Variants in NCOA7 observed in about 807,000 individuals in gnomAD.
The protein encoded by NCOA7 is 140 kDa estrogen receptor-associated protein.
Under a neutral mutation model 104.3 loss-of-function variants are expected in NCOA7, and 45 were observed. The ratio of observed to expected loss-of-function variants is 0.43; its 90% CI spans 0.34 to 0.55. The LOEUF (loss-of-function observed/expected upper bound fraction) is 0.55. NCOA7 is among the 20% of genes least tolerant of loss of function. NCOA7 has a pLI of 0.02. For missense variants in NCOA7, 1,041 were observed against 1,119.7 expected (o/e 0.93, Z 1.00); for synonymous variants, 398 against 402.3 (o/e 0.99, Z 0.13).
rs1333167372 is a variant in NCOA7, at chr6:125,889,472, A to G, written c.1418A>G (p.Glu473Gly). Residue 473 changes from glutamate (E) to glycine (G), a missense_variant, in exon 9 of 16, where the codon GAG (glutamate) becomes GGG (glycine). By Grantham distance (98) the Glu-to-Gly change is moderately conservative (BLOSUM62 -2). Transcript: ENST00000392477. ...TCAGCCCTAGCCTTTTTGGGAACAGAGAATGATGTTGAACTGAAGGGGGCG... is the reference window on the plus strand; with the variant it reads ...TCAGCCCTAGCCTTTTTGGGAACAGGGAATGATGTTGAACTGAAGGGGGCG... ...VQSALAFLGTENDVELKGALD... is the reference protein window; with the variant it reads ...VQSALAFLGTGNDVELKGALD... 6.2e-7 allele frequency: 1 copy of G among 1,614,000 alleles called. No individual in the cohort carries two copies. Among genetic ancestry groups the G allele is most frequent in the East Asian group, 2.2e-5 (1 of 44,868 alleles).
At chr6:125,900,089 G>A (rs1418121961) in intron 10 of NCOA7, 1 of 527,320 alleles carries the variant, frequency 1.9e-6, no homozygotes, top group Non-Finnish European at 3.9e-6. Context: ...TGGGGGTAAA[G>A]GAAGCATGAG....
chr6:125,793,931 A>G (rs1206432767), intron 1 of NCOA7, among the ~76,000 whole-genome samples: 1 of 152,184 alleles, frequency 6.6e-6, no homozygotes, highest in Admixed American at 6.5e-5. Flanking sequence ...TCTGTTGCTA[A>G]ATTTGATCAG....
intron 12 of NCOA7, among the ~76,000 whole-genome samples, chr6:125,921,445 G>A (rs1787578056): frequency 1.3e-5 from 2 of 151,864 alleles, no homozygotes; most frequent in African/African-American, 4.8e-5. Context: ...GAATGCATTT[G>A]CCCTTCTCAC....
chr6:125,866,317 G>A (rs538463783), intron 3 of NCOA7, among the ~76,000 whole-genome samples: 7 of 151,538 alleles, frequency 4.6e-5, no homozygotes, highest in South Asian at 2.1e-4. Flanking sequence ...CAACAAGAGC[G>A]AAATTCCGTC....
intron 2 of NCOA7, among the ~76,000 whole-genome samples, chr6:125,852,574 G>A (rs1365650831): frequency 6.6e-6 from 1 of 152,090 alleles, no homozygotes; most frequent in Admixed American, 6.6e-5. Flanking sequence ...ATCTTGAGTT[G>A]ATTTTTATGT....
chr6:125,878,003 A>T (rs1466915427), intron 4 of NCOA7, among the ~76,000 whole-genome samples: 1 of 152,182 alleles, frequency 6.6e-6, no homozygotes, highest in Non-Finnish European at 1.5e-5. Flanking sequence ...CATGCGCCTC[A>T]GTTGCACCAA....
At chr6:125,897,930 C>T (rs1172263430) in intron 10 of NCOA7, among the ~76,000 whole-genome samples, 13 of 152,214 alleles carry the variant, frequency 8.5e-5, no homozygotes, top group Admixed American at 7.9e-4. Flanking sequence ...CCGCCTGCCT[C>T]GGCCTCCCGA....
At chr6:125,850,041 A>G (rs1780987926) in intron 2 of NCOA7, among the ~76,000 whole-genome samples, 1 of 152,214 alleles carries the variant, frequency 6.6e-6, no homozygotes, top group African/African-American at 2.4e-5. Context: ...TTGTGAGACT[A>G]TCTTAACAAG....
At chr6:125,813,262 C>A (rs982146315) in intron 1 of NCOA7, among the ~76,000 whole-genome samples, 1 of 152,126 alleles carries the variant, frequency 6.6e-6, no homozygotes, top group Non-Finnish European at 1.5e-5. Flanking sequence ...AGGGGGTGGG[C>A]TGCACATAGC....
intron 10 of NCOA7, 33 bp from the exon 11 acceptor site, chr6:125,915,300 G>T (rs760526180): frequency 6.2e-7 from 1 of 1,609,998 alleles, no homozygotes; most frequent in Non-Finnish European, 8.5e-7. Context: ...AAGTGGACAT[G>T]GTGTTAACAT....
At chr6:125,800,491 A>G (rs1775784499) in intron 1 of NCOA7, among the ~76,000 whole-genome samples, 1 of 152,258 alleles carries the variant, frequency 6.6e-6, no homozygotes, top group Non-Finnish European at 1.5e-5. Context: ...GAGACCACTA[A>G]TCTAAATAAA....
At chr6:125,803,887 G>A (rs753681890) in intron 1 of NCOA7, among the ~76,000 whole-genome samples, 12 of 152,010 alleles carry the variant, frequency 7.9e-5, no homozygotes, top group Non-Finnish European at 1.2e-4. Flanking sequence ...GATCCACAAA[G>A]TAGCCCCCAA....
intron 1 of NCOA7, among the ~76,000 whole-genome samples, chr6:125,799,558 A>G (rs907535562): frequency 6.6e-6 from 1 of 150,932 alleles, no homozygotes; most frequent in African/African-American, 2.4e-5. Context: ...TCCTGAGTCA[A>G]CCTTTGGAAT....
rs1178824280 is a variant in NCOA7 at position 125,889,013 on chromosome 6, A to T, written c.959A>T (p.Asn320Ile). 6.2e-7 allele frequency: 1 copy of T among 1,613,968 alleles called. No homozygotes were observed. Among genetic ancestry groups the T allele is most frequent in the East Asian group, 2.2e-5 (1 of 44,870 alleles). ...WEDLASEKDINPFSKFKSINK... is the reference protein window; with the variant it reads ...WEDLASEKDIIPFSKFKSINK... ...GACCTGGCTTCAGAAAAGGATATCA[A>T]CCCATTCAGTAAGTTCAAATCTATC... The change falls in exon 9 of 16, where the codon AAC becomes ATC. Residue 320 changes from asparagine (N) to isoleucine (I), a missense_variant. Physicochemically the swap from Asn to Ile is moderately radical, Grantham distance 149. Coordinates refer to ENST00000392477, the MANE Select transcript of NCOA7 (RefSeq NM_181782.5).
intron 10 of NCOA7, among the ~76,000 whole-genome samples, chr6:125,894,731 A>G (rs769392789): frequency 6.0e-5 from 9 of 150,970 alleles, no homozygotes; most frequent in Non-Finnish European, 8.9e-5. Flanking sequence ...CCGATTTCCC[A>G]TTTGCACCAA....
At chr6:125,859,044 A>G (rs1214489475) in intron 3 of NCOA7, among the ~76,000 whole-genome samples, 1 of 152,202 alleles carries the variant, frequency 6.6e-6, no homozygotes, top group Non-Finnish European at 1.5e-5. Flanking sequence ...GTGGAGAGCC[A>G]TTGGAGGAGA....
rs1266131937 is a variant in NCOA7 at position 125,930,549 on chromosome 6, C to A, written c.*1778C>A. Reference sequence around the variant, plus strand: ...AAAAATGTATAACAAGTACTATTTACATATCTGCATTTAAAAAAGCAATTC... The same window carrying A: ...AAAAATGTATAACAAGTACTATTTAAATATCTGCATTTAAAAAAGCAATTC... On this transcript the variant is annotated 3_prime_UTR_variant, in exon 16 of 16. Coordinates refer to ENST00000392477, the MANE Select transcript of NCOA7 (RefSeq NM_181782.5). The A allele has an allele frequency of 6.6e-6, 1 of 152,600 alleles. No individual in the cohort carries two copies. The highest frequency in any genetic ancestry group is 1.5e-5 in the Non-Finnish European group (1 of 68,038). 9.5% of individuals were successfully genotyped at this position (152,600 alleles called of 1,614,324 possible).
chr6:125,897,796 C>T (rs1368826808), intron 10 of NCOA7, among the ~76,000 whole-genome samples: 1 of 152,182 alleles, frequency 6.6e-6, no homozygotes, highest in Non-Finnish European at 1.5e-5. Context: ...TCTCCTGCCC[C>T]AGCCTCCCAA....
chr6:125,865,233 A>C (rs187304892), intron 3 of NCOA7, among the ~76,000 whole-genome samples: 9 of 138,632 alleles, frequency 6.5e-5, no homozygotes, highest in Non-Finnish European at 1.4e-4. Context: ...ACTTATTTCC[A>C]CAAACGAGGA....
Sources: allele counts gnomAD v4.1 joint callset (sites outside exome capture counted in the v4.1 genomes callset), GRCh38; gene constraint gnomAD v4.1.1; transcripts MANE v1.5; gene names NCBI Gene and HGNC (gene_info 2026-07-23, HGNC 2026-07-21).